The following ANKRD30A variants were observed in gnomAD, a reference collection of about 807,000 sequenced individuals.
ANKRD30A encodes the protein ankyrin repeat domain 30A.
ANKRD30A carries 170 observed loss-of-function variants against 166.3 expected under a neutral mutation model. The observed-to-expected ratio is 1.02, with a 90% CI of 0.90 to 1.16. The LOEUF (loss-of-function observed/expected upper bound fraction) is 1.16, where lower values mean the gene tolerates loss of function less well. ANKRD30A is among the 50% of genes most tolerant of loss of function. The pLI, the probability that ANKRD30A is intolerant of heterozygous loss-of-function variation, is 0.00. For missense variants in ANKRD30A, 1,630 were observed against 1,518.0 expected, an observed-to-expected ratio of 1.07 and a Z score of -1.23; for synonymous variants, 564 against 508.9, an observed-to-expected ratio of 1.11 and a Z score of -1.46.
intron 34 of ANKRD30A, among the ~76,000 whole-genome samples, chr10:37,224,189 T>G (rs1231569654): frequency 2.6e-5 from 4 of 151,376 alleles, no homozygotes; most frequent in Admixed American, 2.0e-4. Context: ...TTTCATTATC[T>G]ACTTTGAATT....
chr10:37,246,078 A>G, the ANKRD30A span, among the ~76,000 whole-genome samples: 1 of 152,220 alleles, frequency 6.6e-6, no homozygotes, highest in Non-Finnish European at 1.5e-5. Flanking sequence ...TCTGTTCACC[A>G]GAGGCAAGTC....
chr10:37,213,928 T>C (rs1317991959), intron 31 of ANKRD30A, among the ~76,000 whole-genome samples: 2 of 151,644 alleles, frequency 1.3e-5, no homozygotes, highest in African/African-American at 4.8e-5. Context: ...AGTCTTTGAG[T>C]ACTTCTGAAG....
intron 35 of ANKRD30A, among the ~76,000 whole-genome samples, chr10:37,232,108 C>T (rs1843435388): frequency 6.6e-6 from 1 of 151,970 alleles, no homozygotes. Context: ...GAATGTTTGA[C>T]ATCCAAACAC....
At position 37,217,850 on chromosome 10, in the gene ANKRD30A, TG is replaced by T. The variant is rs745502760; in HGVS notation, c.3240del (p.Lys1081ArgfsTer3). 1.3e-6 allele frequency: 2 copies of T among 1,579,550 alleles called. No individual in the cohort carries two copies. Among genetic ancestry groups the T allele is most frequent in the South Asian group, 2.4e-5 (2 of 84,946 alleles). On this transcript the variant is annotated frameshift_variant, in exon 33 of 36. Coordinates refer to ENST00000361713, the MANE Select transcript of ANKRD30A (RefSeq NM_052997.3). LOFTEE classifies it high-confidence loss of function. ...GCTCTCAGAATACAAGATATAGAAT[TG>T]AAGAGTGTAGAAAGTAATTTGAATC... ...EQALRIQDIE[L>X]KSVESNLNQV...
At chr10:37,151,737 G>C (rs1203910526) in intron 11 of ANKRD30A, among the ~76,000 whole-genome samples, 1 of 152,062 alleles carries the variant, frequency 6.6e-6, no homozygotes, top group Non-Finnish European at 1.5e-5. Flanking sequence ...GGTAATTAAA[G>C]TTTTCTGAAT....
At chr10:37,129,794 G>A in intron 1 of ANKRD30A, 99 bp from the exon 2 acceptor site, 2 of 580,254 alleles carry the variant, frequency 3.4e-6, no homozygotes, top group Non-Finnish European at 5.3e-6. Context: ...TTTGAAGGCA[G>A]AGAAAGAGCG....
intron 3 of ANKRD30A, among the ~76,000 whole-genome samples, chr10:37,131,925 T>C (rs1836403208): frequency 1.3e-5 from 2 of 152,166 alleles, no homozygotes; most frequent in Non-Finnish European, 2.9e-5. Context: ...CTACTATGTC[T>C]TAGGGTTTAA....
At chr10:37,229,572 A>G (rs1190389033) in intron 34 of ANKRD30A, among the ~76,000 whole-genome samples, 1 of 151,990 alleles carries the variant, frequency 6.6e-6, no homozygotes, top group Non-Finnish European at 1.5e-5. Flanking sequence ...TTCACTCTAC[A>G]ATGCCACAGA....
intron 13 of ANKRD30A, among the ~76,000 whole-genome samples, chr10:37,156,985 T>C (rs956985937): frequency 6.6e-6 from 1 of 152,228 alleles, no homozygotes; most frequent in Non-Finnish European, 1.5e-5. Context: ...TCTTCATTAT[T>C]GATCAATGAT....
intron 12 of ANKRD30A, among the ~76,000 whole-genome samples, chr10:37,152,707 T>A (rs1838045808): frequency 6.6e-6 from 1 of 152,038 alleles, no homozygotes; most frequent in Admixed American, 6.6e-5. Context: ...ATAAATTATA[T>A]TTTCACAAAT....
Position 37,165,099 on chromosome 10 carries a change from A to G in ANKRD30A, c.2008A>G (p.Ile670Val), listed in dbSNP as rs182741680. 116 of 1,607,886 alleles carry G rather than the reference A, an allele frequency of 7.2e-5. 2 individuals carry two copies. The African/African-American group carries it at 1.1e-3, about 16-fold the overall frequency. The change falls in exon 18 of 36, where the codon ATA becomes GTA. Residue 670 changes from isoleucine (I) to valine (V), a missense_variant. Around this residue, in one of 4 missense-constraint regions of ANKRD30A, gnomAD observed 904 missense variants for 818.5 expected, o/e 1.10. Coordinates refer to ENST00000361713, the MANE Select transcript of ANKRD30A (RefSeq NM_052997.3). ...KNEQTLRADEILPSESKQKDY... is the reference protein window; with the variant it reads ...KNEQTLRADEVLPSESKQKDY... ...CTGTGATTAACCTTTTATAGATGAG[A>G]TACTCCCATCAGAATCCAAACAAAA...
Position 37,165,131 on chromosome 10 carries a change from T to C in ANKRD30A, c.2040T>C (p.Tyr680=). 3.1e-6 allele frequency: 5 copies of C among 1,609,322 alleles called. 1 individual carries two copies. The highest frequency in any genetic ancestry group is 3.4e-6 in the Non-Finnish European group (4 of 1,176,080). The stretch of plus-strand genomic sequence containing the variant: ...CATCAGAATCCAAACAAAAGGACTA[T>C]GAAGAAAATTCTTGGGATACTGAGG... ...ILPSESKQKD[Y]EENSWDTESL... The change falls in exon 18 of 36, where the codon TAT becomes TAC. Residue 680 remains tyrosine, a synonymous_variant. Coordinates refer to ENST00000361713, the MANE Select transcript of ANKRD30A (RefSeq NM_052997.3).
chr10:37,153,852 A>C lies in ANKRD30A; in HGVS notation c.1798+190A>C, dbSNP rs1838153760. 2.6e-5 allele frequency among the ~76,000 whole-genome samples: 4 copies of C among 152,174 alleles called. No homozygotes were observed. The South Asian group carries it at 8.3e-4, about 32-fold the overall frequency. ...ACAGACTATATTGAGAGTGCTGAAA[A>C]GGAGCTGAATTATTAGTTTGAATTC... is the stretch of plus-strand genomic sequence containing the variant. On this transcript the variant is annotated intron_variant, in intron 13 of 35. Transcript: ENST00000361713.
At chr10:37,153,442 T>G in intron 12 of ANKRD30A, 130 bp from the exon 13 acceptor site, 1 of 1,367,438 alleles carries the variant, frequency 7.3e-7, no homozygotes, top group Non-Finnish European at 9.9e-7. Context: ...TATATGTATC[T>G]GCACTTAAGT....
At chr10:37,236,595 C>T (rs1843685155), downstream of ANKRD30A, among the ~76,000 whole-genome samples, 1 of 152,128 alleles carries the variant, frequency 6.6e-6, no homozygotes, top group South Asian at 2.1e-4. Flanking sequence ...AGCATGAGTC[C>T]TCACATGGAA....
chr10:37,136,831 G>GTATATA (rs71531277), intron 6 of ANKRD30A, among the ~76,000 whole-genome samples, 160 bp downstream of exon 6: 125 of 141,964 alleles, frequency 8.8e-4, no homozygotes, highest in Middle Eastern at 3.7e-3. Flanking sequence ...GTGTGTGTGT[G>GTATATA]TATATATATA....
At chr10:37,139,768 G>T (rs2132527866) in intron 6 of ANKRD30A, among the ~76,000 whole-genome samples, 1 of 152,190 alleles carries the variant, frequency 6.6e-6, no homozygotes, top group South Asian at 2.1e-4. Flanking sequence ...TCCTTATTTT[G>T]CCCAGGTTGA....
Position 37,219,617 on chromosome 10 carries a change from A to G in ANKRD30A, c.3905A>G (p.Tyr1302Cys), listed in dbSNP as rs1033036761. The change falls in exon 34 of 36, where the codon TAT (tyrosine) becomes TGT (cysteine). Residue 1302 changes from tyrosine (Y) to cysteine (C), a missense_variant. This residue lies in a region of ANKRD30A where 712 missense variants were observed against 629.3 expected (regional missense o/e 1.13). Transcript: ENST00000361713. The stretch of plus-strand genomic sequence containing the variant: ...CAAATGAAGGAAGCTGAACACATGT[A>G]TCAAAACGAACAAGATAATGTGAAC... ...QCQMKEAEHMYQNEQDNVNKH... is the reference protein window; with the variant it reads ...QCQMKEAEHMCQNEQDNVNKH... 7 of 1,610,364 alleles carry G rather than the reference A, an allele frequency of 4.3e-6. No individual in the cohort carries two copies. Among genetic ancestry groups the G allele is most frequent in the Admixed American group, 3.4e-5 (2 of 59,620 alleles).
At chr10:37,141,437 G>T (rs1363838177) in intron 6 of ANKRD30A, among the ~76,000 whole-genome samples, 3 of 151,872 alleles carry the variant, frequency 2.0e-5, no homozygotes, top group African/African-American at 7.3e-5. Context: ...GGGTGATATG[G>T]CCCACGTCTG....
Sources: allele counts gnomAD v4.1 joint callset (sites outside exome capture counted in the v4.1 genomes callset), GRCh38; gene constraint gnomAD v4.1.1; regional missense constraint gnomAD v4.1.1; transcripts MANE v1.5; gene names NCBI Gene and HGNC (gene_info 2026-07-23, HGNC 2026-07-21).